PTPRK: variants seen among roughly 807,000 people sequenced by gnomAD.
PTPRK encodes protein tyrosine phosphatase receptor type K.
A neutral mutation model predicts 178.0 loss-of-function variants in PTPRK; 75 were observed. The ratio of observed to expected loss-of-function variants is 0.42; its 90% CI spans 0.35 to 0.51. PTPRK has a LOEUF of 0.51. Among genes scored for constraint, PTPRK ranks in the 20% least tolerant of loss-of-function variants. The probability of loss-of-function intolerance (pLI) is 0.02; values close to 1 mark genes in which losing one functional copy is unlikely to be tolerated. For missense variants in PTPRK, 1,441 were observed against 1,797.8 expected, an observed-to-expected ratio of 0.80 and a Z score of 3.59; for synonymous variants, 637 against 620.6, an observed-to-expected ratio of 1.03 and a Z score of -0.39.
chr6:128,161,639 C>G (rs1257127079), intron 7 of PTPRK, among the ~76,000 whole-genome samples: 1 of 151,548 alleles, frequency 6.6e-6, no homozygotes, highest in African/African-American at 2.4e-5. Context: ...AAATAAAACT[C>G]TCTCAAAGCC....
intron 7 of PTPRK, among the ~76,000 whole-genome samples, chr6:128,116,374 A>C (rs1791528022): frequency 6.6e-6 from 1 of 150,838 alleles, no homozygotes; most frequent in Non-Finnish European, 1.5e-5. Flanking sequence ...CATTTGATTT[A>C]TTCTTGGATT....
intron 1 of PTPRK, among the ~76,000 whole-genome samples, chr6:128,402,323 T>A (rs1841132555): frequency 6.6e-6 from 1 of 152,194 alleles, no homozygotes; most frequent in Non-Finnish European, 1.5e-5. Context: ...AGTGGCGCGA[T>A]CTCGGCTCAC....
At chr6:128,379,264 T>C (rs1044737387) in intron 2 of PTPRK, among the ~76,000 whole-genome samples, 4 of 152,108 alleles carry the variant, frequency 2.6e-5, no homozygotes, top group African/African-American at 7.2e-5. Flanking sequence ...TAAAATACCA[T>C]GAATCGAATA....
intron 13 of PTPRK, among the ~76,000 whole-genome samples, chr6:128,041,095 G>T (rs900452080): frequency 6.6e-6 from 1 of 151,896 alleles, no homozygotes; most frequent in Non-Finnish European, 1.5e-5. Context: ...ATTTTAAAAT[G>T]AATTAAAATT....
chr6:128,193,767 T>G (rs887660765), intron 6 of PTPRK, among the ~76,000 whole-genome samples: 20 of 152,140 alleles, frequency 1.3e-4, no homozygotes, highest in African/African-American at 4.3e-4. Context: ...TGGCGTTTTA[T>G]TCACCTTGAT....
intron 7 of PTPRK, among the ~76,000 whole-genome samples, chr6:128,118,058 T>C (rs1383749579): frequency 6.6e-6 from 1 of 152,190 alleles, no homozygotes; most frequent in Non-Finnish European, 1.5e-5. Flanking sequence ...GTCCTCATTA[T>C]GGAAAACACA....
At chr6:128,028,701 T>C (rs1233337278) in intron 13 of PTPRK, among the ~76,000 whole-genome samples, 2 of 152,214 alleles carry the variant, frequency 1.3e-5, no homozygotes, top group African/African-American at 4.8e-5. Flanking sequence ...GCATGGAACA[T>C]ATCCTATGTA....
chr6:128,256,021 GCC>G (rs1817237325), intron 3 of PTPRK, among the ~76,000 whole-genome samples: 13 of 152,258 alleles, frequency 8.5e-5, no homozygotes, highest in Non-Finnish European at 1.2e-4. Flanking sequence ...TGAACAATTA[GCC>G]ATGTATTTAT....
chr6:128,103,377 C>T (rs1789118966), intron 7 of PTPRK, among the ~76,000 whole-genome samples: 1 of 152,126 alleles, frequency 6.6e-6, no homozygotes, highest in Non-Finnish European at 1.5e-5. Flanking sequence ...ACCAAGAAGG[C>T]ACTGAGCTGA....
chr6:127,979,954 G>A (rs539367593), intron 25 of PTPRK, among the ~76,000 whole-genome samples: 1 of 152,120 alleles, frequency 6.6e-6, no homozygotes, highest in African/African-American at 2.4e-5. Flanking sequence ...CAAGGTGGGC[G>A]GATCATGAGG....
intron 1 of PTPRK, among the ~76,000 whole-genome samples, chr6:128,482,180 G>A (rs186531752): frequency 3.3e-5 from 5 of 152,218 alleles, no homozygotes; most frequent in African/African-American, 4.8e-5. Context: ...GCTGAATGAT[G>A]TTGGAAAACA....
intron 1 of PTPRK, among the ~76,000 whole-genome samples, chr6:128,480,732 C>T (rs1470643685): frequency 6.6e-6 from 1 of 152,146 alleles, no homozygotes; most frequent in African/African-American, 2.4e-5. Flanking sequence ...GGACGTGAAG[C>T]CAAGGCTACA....
chr6:128,326,790 A>G (rs1237135343), intron 2 of PTPRK, among the ~76,000 whole-genome samples: 1 of 152,152 alleles, frequency 6.6e-6, no homozygotes, highest in African/African-American at 2.4e-5. Flanking sequence ...TTGCATATGT[A>G]CAGTTTCTGA....
At chr6:128,124,042 GTTTT>G (rs113506773) in intron 7 of PTPRK, among the ~76,000 whole-genome samples, 1 of 136,884 alleles carries the variant, frequency 7.3e-6, no homozygotes, top group Non-Finnish European at 1.6e-5. Context: ...ATTAAAACTT[GTTTT>G]TTTTTTTTTT....
chr6:128,444,701 GA>G (rs1006276915), intron 1 of PTPRK, among the ~76,000 whole-genome samples: 8 of 152,120 alleles, frequency 5.3e-5, no homozygotes, highest in Admixed American at 4.6e-4. Context: ...GAGCCAAGCA[GA>G]ATGTCCAGAA....
At chr6:128,273,301 A>G (rs999788683) in intron 3 of PTPRK, among the ~76,000 whole-genome samples, 4 of 152,150 alleles carry the variant, frequency 2.6e-5, no homozygotes, top group Non-Finnish European at 5.9e-5. Context: ...TGGCACATGT[A>G]TACATATGTA....
At chr6:128,342,911 G>A (rs1009178554) in intron 2 of PTPRK, among the ~76,000 whole-genome samples, 2 of 151,210 alleles carry the variant, frequency 1.3e-5, no homozygotes, top group African/African-American at 4.9e-5. Flanking sequence ...ACATAGCAAG[G>A]CCTCATTTCT....
chr6:128,366,093 T>C (rs1835440225), intron 2 of PTPRK, among the ~76,000 whole-genome samples: 2 of 152,094 alleles, frequency 1.3e-5, no homozygotes, highest in South Asian at 4.1e-4. Context: ...CCCTTACCAT[T>C]AGGAAAACTT....
intron 5 of PTPRK, among the ~76,000 whole-genome samples, chr6:128,231,834 G>A (rs1347096422): frequency 2.0e-5 from 3 of 152,238 alleles, no homozygotes; most frequent in African/African-American, 7.2e-5. Context: ...TAAACTCTGA[G>A]AAAATGTACA....
Sources: gnomAD v4.1 joint callset for allele counts (sites outside exome capture counted in the v4.1 genomes callset) on GRCh38, gnomAD v4.1.1 for gene constraint, MANE v1.5 for transcripts, NCBI Gene and HGNC (gene_info 2026-07-23, HGNC 2026-07-21) for gene names.